EML6: variants seen among roughly 807,000 people sequenced by gnomAD.
The protein encoded by EML6 is EMAP like 6.
Under a neutral mutation model 240.1 loss-of-function variants are expected in EML6, and 154 were observed. The observed-to-expected ratio is 0.64, with a 90% CI of 0.56 to 0.73. The LOEUF (loss-of-function observed/expected upper bound fraction) is 0.73, where lower values mean the gene tolerates loss of function less well. Among genes scored for constraint, EML6 ranks in the 30% least tolerant of loss-of-function variants. EML6 has a pLI of 0.00. For synonymous variants in EML6, 1,148 were observed against 899.0 expected, an observed-to-expected ratio of 1.28 and a Z score of -4.95; for missense variants, 2,964 against 2,474.6, an observed-to-expected ratio of 1.20 and a Z score of -4.20.
At chr2:54,892,684 T>A (rs1390695396) in intron 19 of EML6, 28 bp downstream of exon 19, 1 of 1,519,988 alleles carries the variant, frequency 6.6e-7, no homozygotes, top group Admixed American at 2.0e-5. Flanking sequence ...GCATTCATTT[T>A]CCTCATCAGC....
intron 37 of EML6, 24 bp downstream of exon 37, chr2:54,964,182 A>T: frequency 6.5e-7 from 1 of 1,547,856 alleles, no homozygotes; most frequent in South Asian, 1.2e-5. Context: ...TGGTCTGGGC[A>T]TGGAGGAGAA....
chr2:54,879,568 C>T lies in EML6; in HGVS notation c.2366C>T (p.Ser789Leu), dbSNP rs541910249. 5 of 1,551,048 alleles carry T rather than the reference C, an allele frequency of 3.2e-6. No individual in the cohort carries two copies. Among genetic ancestry groups the T allele is most frequent in the Admixed American group, 2.0e-5 (1 of 50,932 alleles). ...ACAGCCGATGGAAAATGTCTGGTGT[C>T]GGTTGGTTTAGACGATTTTCACAGT... ...DFSADGKCLV[S>L]VGLDDFHSIV... Residue 789 changes from serine to leucine, a missense_variant, in exon 17 of 42, where the codon TCG becomes TTG. Coordinates refer to ENST00000356458, the MANE Select transcript of EML6 (RefSeq NM_001039753.4).
intron 2 of EML6, among the ~76,000 whole-genome samples, chr2:54,775,778 C>T (rs1391647260): frequency 6.6e-6 from 1 of 152,066 alleles, no homozygotes; most frequent in Non-Finnish European, 1.5e-5. Context: ...GTACCCTGCC[C>T]TTGTGGAATG....
intron 2 of EML6, among the ~76,000 whole-genome samples, chr2:54,803,146 A>G (rs1245485013): frequency 6.6e-6 from 1 of 152,188 alleles, no homozygotes; most frequent in African/African-American, 2.4e-5. Flanking sequence ...CTGAAGGGGA[A>G]GGGAGTTGTT....
Position 54,953,973 on chromosome 2 carries a change from CCA to C in EML6, c.4313-6_4313-5del, listed in dbSNP as rs994570956. 8 of 1,546,084 alleles carry C rather than the reference CCA, an allele frequency of 5.2e-6. No individual in the cohort carries two copies. Among genetic ancestry groups the C allele is most frequent in the Non-Finnish European group, 7.0e-6 (8 of 1,143,136 alleles). On this transcript the variant is annotated splice_region_variant and splice_polypyrimidine_tract_variant and intron_variant, in intron 31 of 41. Coordinates refer to ENST00000356458, the MANE Select transcript of EML6 (RefSeq NM_001039753.4). ...AGCCTTACTTCTTTGTCATGCCTCT[CCA>C]CACTCAGGGACAACACCTTCCATCC...
chr2:54,968,385 T>A, intron 40 of EML6, 104 bp downstream of exon 40: 2 of 1,115,290 alleles, frequency 1.8e-6, no homozygotes. Context: ...AGAGAAACCC[T>A]GTCCCGGTAC....
At chr2:54,743,189 C>T (rs564683512) in intron 2 of EML6, among the ~76,000 whole-genome samples, 82 of 152,288 alleles carry the variant, frequency 5.4e-4, no homozygotes, top group African/African-American at 1.9e-3. Context: ...CTGGACAGGA[C>T]GCAGTCACGT....
At chr2:54,861,562 C>A (rs991364122) in intron 12 of EML6, among the ~76,000 whole-genome samples, 1 of 152,162 alleles carries the variant, frequency 6.6e-6, no homozygotes, top group Non-Finnish European at 1.5e-5. Context: ...CTTCTAGCTA[C>A]ATCAAAAGTG....
chr2:54,968,291 C>A lies in EML6; in HGVS notation c.5751+10C>A, dbSNP rs1406775885. On this transcript the variant is annotated intron_variant, in intron 40 of 41. Transcript: ENST00000356458. ...ATGCACAGAAAAATTTGTGAGTGTTCCTCAGAGTAACCTCCCTGCAGGTTC... is the reference window on the plus strand; with the variant it reads ...ATGCACAGAAAAATTTGTGAGTGTTACTCAGAGTAACCTCCCTGCAGGTTC... 6.4e-7 allele frequency: 1 copy of A among 1,551,556 alleles called. No individual in the cohort carries two copies. Among genetic ancestry groups the A allele is most frequent in the Non-Finnish European group, 8.7e-7 (1 of 1,146,922 alleles).
chr2:54,736,702 C>T (rs538624130), intron 2 of EML6, among the ~76,000 whole-genome samples: 36 of 152,324 alleles, frequency 2.4e-4, no homozygotes, highest in Admixed American at 7.8e-4. Context: ...TGATCACCTT[C>T]TCCTCAGTGC....
At chr2:54,875,941 G>A (rs1432030674) in intron 16 of EML6, among the ~76,000 whole-genome samples, 1 of 152,162 alleles carries the variant, frequency 6.6e-6, no homozygotes, top group Non-Finnish European at 1.5e-5. Context: ...TCTAAGACTT[G>A]ATTTCATTGT....
chr2:54,870,381 A>G (rs910231007), intron 15 of EML6, among the ~76,000 whole-genome samples: 2 of 149,934 alleles, frequency 1.3e-5, no homozygotes, highest in South Asian at 4.2e-4. Flanking sequence ...TGGTTTATAC[A>G]TGAATTTGCT....
At chr2:54,914,881 C>T (rs1228142009) in intron 25 of EML6, among the ~76,000 whole-genome samples, 3 of 152,122 alleles carry the variant, frequency 2.0e-5, no homozygotes, top group Non-Finnish European at 2.9e-5. Context: ...CATTTCAAAT[C>T]CATCTGATAC....
At position 54,830,706 on chromosome 2, in the gene EML6, G is replaced by T. The variant is rs946359635; in HGVS notation, c.847+1229G>T. 1.4e-4 allele frequency among the ~76,000 whole-genome samples: 21 copies of T among 152,194 alleles called. 1 individual carries two copies. Among genetic ancestry groups the T allele is most frequent in the African/African-American group, 4.8e-4 (20 of 41,438 alleles). On this transcript the variant is annotated intron_variant, in intron 7 of 41. Coordinates refer to ENST00000356458, the MANE Select transcript of EML6 (RefSeq NM_001039753.4). ...CTTCAGGCCATCCTTAAATAGTGTT[G>T]TTTGCAGCAAAACTTTGCCAACAGT...
chr2:54,882,619 G>A (rs1671878752), intron 17 of EML6: 2 of 151,956 alleles, frequency 1.3e-5, no homozygotes, highest in Non-Finnish European at 2.9e-5. Context: ...AGCACTTTGG[G>A]AGACCAAGGC....
intron 22 of EML6, among the ~76,000 whole-genome samples, chr2:54,902,002 C>A (rs891190940): frequency 1.3e-5 from 2 of 152,118 alleles, no homozygotes; most frequent in Admixed American, 1.3e-4. Flanking sequence ...TCCAGAAACC[C>A]CTTGGGAGAA....
intron 2 of EML6, among the ~76,000 whole-genome samples, chr2:54,728,255 T>G (rs537237152): frequency 6.6e-6 from 1 of 152,326 alleles, no homozygotes; most frequent in South Asian, 2.1e-4. Flanking sequence ...GGTTTCTACT[T>G]TAGGTAGTAG....
intron 17 of EML6, among the ~76,000 whole-genome samples, chr2:54,885,095 T>G (rs1419561602): frequency 1.3e-5 from 2 of 152,104 alleles, no homozygotes; most frequent in Non-Finnish European, 2.9e-5. Flanking sequence ...AGGCAGAGGT[T>G]GCAGTGAGCC....
At chr2:54,744,681 G>C (rs1437682095) in intron 2 of EML6, among the ~76,000 whole-genome samples, 1 of 151,950 alleles carries the variant, frequency 6.6e-6, no homozygotes. Flanking sequence ...CTAGGAAGTT[G>C]TGGGTCAGTT....
Sources: gnomAD v4.1 joint callset for allele counts (sites outside exome capture counted in the v4.1 genomes callset) on GRCh38, gnomAD v4.1.1 for gene constraint, MANE v1.5 for transcripts, NCBI Gene and HGNC (gene_info 2026-07-23, HGNC 2026-07-21) for gene names.